STXBP5L: variants seen among roughly 807,000 people sequenced by gnomAD.
STXBP5L encodes the protein syntaxin binding protein 5L, also known as syntaxin-binding protein 5-like.
STXBP5L carries 65 observed loss-of-function variants against 144.5 expected under a neutral mutation model. The observed-to-expected ratio is 0.45, with a 90% CI of 0.37 to 0.55. The LOEUF is 0.55. Ranked by LOEUF, STXBP5L falls within the 20% of genes least tolerant of loss-of-function variation. The probability of loss-of-function intolerance (pLI) is 0.00; values close to 1 mark genes in which losing one functional copy is unlikely to be tolerated. For missense variants in STXBP5L, 1,298 were observed against 1,405.5 expected, an observed-to-expected ratio of 0.92 and a Z score of 1.22; for synonymous variants, 505 against 469.6, an observed-to-expected ratio of 1.08 and a Z score of -0.97.
At chr3:121,313,629 G>T (rs1272159974) in intron 19 of STXBP5L, among the ~76,000 whole-genome samples, 1 of 68,088 alleles carries the variant, frequency 1.5e-5, no homozygotes, top group Non-Finnish European at 2.9e-5. Flanking sequence ...CCTCCCTCCC[G>T]GACGGGGCGG....
At position 121,095,996 on chromosome 3, in the gene STXBP5L, G is replaced by A. The variant is rs9871170; in HGVS notation, c.471-18929G>A. Among the ~76,000 whole-genome samples, 1,116 of 152,054 alleles carry A rather than the reference G, an allele frequency of 7.3e-3. 8 individuals carry two copies. The highest frequency in any genetic ancestry group is 0.024 in the African/African-American group (992 of 41,512). Reference sequence around the variant, plus strand: ...TTGTCCTTTCTTTTTGTTAGTGTCTGTCACCGCTTCTCTGGGCTAGGAAGT... The same window carrying A: ...TTGTCCTTTCTTTTTGTTAGTGTCTATCACCGCTTCTCTGGGCTAGGAAGT... On this transcript the variant is annotated intron_variant, in intron 5 of 26. Coordinates refer to ENST00000471454, the MANE Select transcript of STXBP5L (RefSeq NM_001308330.2).
chr3:121,124,947 G>A (rs1036027665), intron 7 of STXBP5L, among the ~76,000 whole-genome samples: 2 of 152,042 alleles, frequency 1.3e-5, no homozygotes, highest in Admixed American at 6.6e-5. Context: ...AATATTCTAA[G>A]AGTTTAAAAT....
At chr3:121,227,786 C>T (rs2049167141) in intron 11 of STXBP5L, among the ~76,000 whole-genome samples, 1 of 152,080 alleles carries the variant, frequency 6.6e-6, no homozygotes, top group Non-Finnish European at 1.5e-5. Context: ...TATTATGGCA[C>T]ATATCTTGGC....
At chr3:121,073,204 C>T (rs2041878826) in intron 5 of STXBP5L, among the ~76,000 whole-genome samples, 1 of 152,208 alleles carries the variant, frequency 6.6e-6, no homozygotes. Context: ...ATACCCTGGG[C>T]CACACAATGG....
intron 9 of STXBP5L, among the ~76,000 whole-genome samples, chr3:121,186,232 G>A (rs2047376563): frequency 6.6e-6 from 1 of 152,216 alleles, no homozygotes; most frequent in African/African-American, 2.4e-5. Context: ...ATATAATCAT[G>A]TCATCTGCAA....
intron 9 of STXBP5L, among the ~76,000 whole-genome samples, chr3:121,160,201 G>A (rs1424135135): frequency 6.6e-5 from 10 of 152,084 alleles, no homozygotes; most frequent in African/African-American, 2.4e-4. Context: ...CTGAGAGAGT[G>A]CTATTAAATT....
intron 10 of STXBP5L, among the ~76,000 whole-genome samples, chr3:121,209,043 T>C (rs921847161): frequency 6.6e-6 from 1 of 152,180 alleles, no homozygotes; most frequent in African/African-American, 2.4e-5. Context: ...CCGGTGTTAG[T>C]TTGCTGAGAA....
At chr3:121,156,999 A>G (rs2046138213) in intron 8 of STXBP5L, among the ~76,000 whole-genome samples, 1 of 152,074 alleles carries the variant, frequency 6.6e-6, no homozygotes, top group Admixed American at 6.6e-5. Context: ...ATCTGACTCA[A>G]AACTACAGAG....
intron 3 of STXBP5L, among the ~76,000 whole-genome samples, chr3:120,959,378 C>A (rs1938462493): frequency 1.3e-5 from 2 of 152,214 alleles, no homozygotes; most frequent in Non-Finnish European, 2.9e-5. Context: ...CAATGACTTT[C>A]TTCACAGAAC....
chr3:121,355,522 G>T (rs961325339), intron 20 of STXBP5L, among the ~76,000 whole-genome samples: 1 of 152,086 alleles, frequency 6.6e-6, no homozygotes, highest in Non-Finnish European at 1.5e-5. Context: ...TCGTGCCATG[G>T]TTTTCAGCTC....
chr3:121,307,398 A>G (rs1331989380), intron 19 of STXBP5L, among the ~76,000 whole-genome samples: 2 of 152,220 alleles, frequency 1.3e-5, no homozygotes, highest in African/African-American at 4.8e-5. Context: ...AAGAACTGGA[A>G]GACACTATGC....
At chr3:120,951,240 C>T (rs537923371) in intron 2 of STXBP5L, among the ~76,000 whole-genome samples, 85 of 152,078 alleles carry the variant, frequency 5.6e-4, no homozygotes, top group African/African-American at 1.8e-3. Flanking sequence ...GACATAGGCA[C>T]GGGCAAGGAC....
In STXBP5L at chr3:121,276,022, T is replaced by G. The variant is rs1295289638; in HGVS notation, c.1959-3783T>G. Among the ~76,000 whole-genome samples, 6 of 152,086 alleles carry G rather than the reference T, an allele frequency of 3.9e-5. No homozygotes were observed. The East Asian group carries it at 1.2e-3, about 29-fold the overall frequency. ...AATATACTTATCTATGTGATTGGGC[T>G]TAAGCCAAACATTTTCTAATTTGTT... On this transcript the variant is annotated intron_variant, in intron 18 of 26. Transcript: ENST00000471454.
At chr3:121,017,253 A>G (rs1053002726) in intron 3 of STXBP5L, among the ~76,000 whole-genome samples, 3 of 152,202 alleles carry the variant, frequency 2.0e-5, no homozygotes, top group Admixed American at 6.5e-5. Context: ...ACACATGATA[A>G]AAACCCTCAA....
intron 22 of STXBP5L, among the ~76,000 whole-genome samples, chr3:121,393,841 T>C (rs2108714147): frequency 6.6e-6 from 1 of 152,366 alleles, no homozygotes; most frequent in East Asian, 1.9e-4. Context: ...CCTTGTAGTA[T>C]AATTTGAAGT....
intron 1 of STXBP5L, chr3:120,909,150 C>G (rs1002230065): frequency 6.5e-6 from 1 of 154,144 alleles, no homozygotes; most frequent in East Asian, 1.9e-4. Flanking sequence ...CCGAACGTTT[C>G]GAAGAAGGAA....
intron 3 of STXBP5L, among the ~76,000 whole-genome samples, chr3:120,991,518 A>G (rs1025768616): frequency 1.3e-5 from 2 of 152,240 alleles, no homozygotes; most frequent in African/African-American, 4.8e-5. Flanking sequence ...GCTACTATAA[A>G]GACACATGCA....
intron 20 of STXBP5L, among the ~76,000 whole-genome samples, chr3:121,340,522 C>T (rs114170559): frequency 0.018 from 2,646 of 151,104 alleles, 36 homozygotes; most frequent in Non-Finnish European, 0.023. Context: ...TGATATTCCC[C>T]GCCCCATGTC....
At chr3:121,289,713 A>G (rs369449300) in intron 19 of STXBP5L, among the ~76,000 whole-genome samples, 2 of 152,214 alleles carry the variant, frequency 1.3e-5, no homozygotes. Context: ...CTCTCAGACC[A>G]CAGTGGAATA....
Sources: allele counts gnomAD v4.1 joint callset (sites outside exome capture counted in the v4.1 genomes callset), GRCh38; gene constraint gnomAD v4.1.1; transcripts MANE v1.5; gene names NCBI Gene and HGNC (gene_info 2026-07-23, HGNC 2026-07-21).